Variants in RAP1GAP observed in about 807,000 individuals in gnomAD.
The protein encoded by RAP1GAP is rap1 GTPase-activating protein 1.
RAP1GAP carries 35 observed loss-of-function variants against 87.2 expected under a neutral mutation model. The observed-to-expected ratio is 0.40, with a 90% CI of 0.31 to 0.53. RAP1GAP has a LOEUF of 0.53. Ranked by LOEUF, RAP1GAP falls within the 20% of genes least tolerant of loss-of-function variation. RAP1GAP has a pLI of 0.48. For missense variants in RAP1GAP, 734 were observed against 898.9 expected (o/e 0.82, Z 2.35); for synonymous variants, 375 against 363.9 (o/e 1.03, Z -0.35).
chr1:21,637,145 CTTTTT>C (rs869047762), intron 2 of RAP1GAP, among the ~76,000 whole-genome samples: 1 of 128,510 alleles, frequency 7.8e-6, no homozygotes, highest in African/African-American at 2.8e-5. Flanking sequence ...TCTTTTTTTT[CTTTTT>C]TTTTTTTTTT....
At chr1:21,637,970 AC>A (rs2095038645) in intron 2 of RAP1GAP, among the ~76,000 whole-genome samples, 1 of 97,776 alleles carries the variant, frequency 1.0e-5, no homozygotes, top group African/African-American at 4.2e-5. Flanking sequence ...CCCCATCTCT[AC>A]CAAAAAAAAA....
intron 7 of RAP1GAP, among the ~76,000 whole-genome samples, chr1:21,616,738 T>C (rs1454705715): frequency 6.6e-6 from 1 of 152,220 alleles, no homozygotes; most frequent in Non-Finnish European, 1.5e-5. Flanking sequence ...ATGACATTAC[T>C]GTTCTCCTAA....
chr1:21,631,456 C>T (rs886209884), intron 2 of RAP1GAP, among the ~76,000 whole-genome samples: 2 of 152,168 alleles, frequency 1.3e-5, no homozygotes, highest in Non-Finnish European at 2.9e-5. Flanking sequence ...GAGGCTGAGG[C>T]GGGTGGATCG....
At chr1:21,602,979 C>CAGAGGGGA in intron 18 of RAP1GAP, 66 bp from the exon 19 acceptor site, 17 of 1,205,572 alleles carry the variant, frequency 1.4e-5, no homozygotes, top group Non-Finnish European at 1.9e-5. Context: ...CCCACATCCC[C>CAGAGGGGA]TCTGGGGATC....
At position 21,669,042 on chromosome 1, in the gene RAP1GAP, T is replaced by TC. The variant is rs1434611226; in HGVS notation, c.-149+211dup. On this transcript the variant is annotated intron_variant, in intron 1 of 24. Coordinates refer to ENST00000374765, the MANE Select transcript of RAP1GAP (RefSeq NM_002885.4). The surrounding 1 kb of genome is among the most constrained non-coding windows in gnomAD (Gnocchi z 5.6). Reference sequence around the variant, plus strand: ...GGGTTCAGCCGGCTCAGTCCAGGCCTCCCCCCACTTCTCCAGCTGCTGTCA... The same window carrying TC: ...GGGTTCAGCCGGCTCAGTCCAGGCCTCCCCCCCACTTCTCCAGCTGCTGTCA... Among the ~76,000 whole-genome samples, 1 of 151,230 alleles carries TC rather than the reference T, an allele frequency of 6.6e-6. No homozygotes were observed. The highest frequency in any genetic ancestry group is 1.5e-5 in the Non-Finnish European group (1 of 67,722).
chr1:21,638,470 AAAGAG>A (rs1345037058), intron 2 of RAP1GAP, among the ~76,000 whole-genome samples: 1 of 151,570 alleles, frequency 6.6e-6, no homozygotes, highest in African/African-American at 2.4e-5. Context: ...AAAAAAAAAA[AAAGAG>A]AGAGAGAAAA....
chr1:21,620,085 A>G, intron 3 of RAP1GAP, 35 bp from the exon 4 acceptor site: 1 of 1,606,516 alleles, frequency 6.2e-7, no homozygotes, highest in Non-Finnish European at 8.5e-7. Flanking sequence ...AGGTCAGCTG[A>G]TCCCGCCAAG....
chr1:21,612,720 A>C (rs1182435249), intron 10 of RAP1GAP, among the ~76,000 whole-genome samples: 1 of 152,152 alleles, frequency 6.6e-6, no homozygotes, highest in Admixed American at 6.5e-5. Context: ...TCCAAGGCAG[A>C]AGCCCGTGCC....
At chr1:21,637,921 A>C (rs2095028299) in intron 2 of RAP1GAP, among the ~76,000 whole-genome samples, 1 of 136,596 alleles carries the variant, frequency 7.3e-6, no homozygotes, top group African/African-American at 2.7e-5. Flanking sequence ...GATCTCTTGG[A>C]GCCAGGAGTT....
chr1:21,630,623 G>T (rs2093545854), intron 2 of RAP1GAP, among the ~76,000 whole-genome samples: 5 of 152,206 alleles, frequency 3.3e-5, no homozygotes, highest in Non-Finnish European at 1.5e-5. Context: ...CATGATCATG[G>T]CTCACTGCAG....
rs761240448 is a variant in RAP1GAP at position 21,619,057 on chromosome 1, C to T, written c.34G>A (p.Glu12Lys). 1.9e-6 allele frequency: 3 copies of T among 1,601,730 alleles called. No homozygotes were observed. In the Admixed American group the frequency reaches 5.1e-5, roughly 27 times the overall value. The change falls in exon 5 of 25, where the codon GAA becomes AAA. Residue 12 changes from glutamate to lysine, a missense_variant. Glu to Lys is a moderately conservative substitution (Grantham distance 56). Around this residue, in one of 2 missense-constraint regions of RAP1GAP, gnomAD observed 485 missense variants for 646.2 expected, o/e 0.75. Coordinates refer to ENST00000374765, the MANE Select transcript of RAP1GAP (RefSeq NM_002885.4). ...IEKMQGSRMD[E>K]QRCSFPPPLK... ...GGCGGCGGGAAGGAGCAGCGTTGTT[C>T]ATCCATCCTGCTTCCCTGTAAGAGA...
At chr1:21,647,456 C>T (rs2096172655) in intron 2 of RAP1GAP, among the ~76,000 whole-genome samples, 1 of 152,050 alleles carries the variant, frequency 6.6e-6, no homozygotes, top group African/African-American at 2.4e-5. Flanking sequence ...AGAGTGAGAC[C>T]CTGTCTCCAA....
At chr1:21,620,852 ACTCT>A (rs35090439) in intron 3 of RAP1GAP, among the ~76,000 whole-genome samples, 69,943 of 149,722 alleles carry the variant, frequency 0.47, 16,607 homozygotes, top group East Asian at 0.6. Flanking sequence ...AAGCACGCAC[ACTCT>A]CTCTCTCTCT....
chr1:21,629,641 G>T (rs1052153569), intron 2 of RAP1GAP, among the ~76,000 whole-genome samples: 1 of 152,222 alleles, frequency 6.6e-6, no homozygotes, highest in Non-Finnish European at 1.5e-5. Flanking sequence ...GGAGGCTCTG[G>T]GCACTGCCTG....
At chr1:21,658,708 C>T (rs1283011636) in intron 1 of RAP1GAP, among the ~76,000 whole-genome samples, 1 of 152,094 alleles carries the variant, frequency 6.6e-6, no homozygotes, top group South Asian at 2.1e-4. Context: ...AAGCAAGACT[C>T]CATCTCTATT....
chr1:21,650,793 G>C (rs1348194527), intron 1 of RAP1GAP, among the ~76,000 whole-genome samples: 1 of 152,158 alleles, frequency 6.6e-6, no homozygotes, highest in Non-Finnish European at 1.5e-5. Context: ...CAGCTAGCAA[G>C]ACCCCATATG....
chr1:21,666,190 G>A (rs560175842), intron 1 of RAP1GAP, among the ~76,000 whole-genome samples: 4 of 152,290 alleles, frequency 2.6e-5, no homozygotes, highest in African/African-American at 9.6e-5. Context: ...TCTCCACAGC[G>A]CCAGTCTCTC....
At position 21,608,814 on chromosome 1, in the gene RAP1GAP, G is replaced by A. The variant is rs1427532159; in HGVS notation, c.1158+36C>T. The A allele has an allele frequency of 2.5e-6, 4 of 1,576,068 alleles. No individual in the cohort carries two copies. In the Admixed American group the frequency reaches 5.0e-5, roughly 20 times the overall value. ...GCTGAAGTTATAGGTTGGAAGGTGAGAAGAGGGTCACCCAGCCCTCACAGC... is the reference window on the plus strand; with the variant it reads ...GCTGAAGTTATAGGTTGGAAGGTGAAAAGAGGGTCACCCAGCCCTCACAGC... On this transcript the variant is annotated intron_variant, in intron 16 of 24. Transcript: ENST00000374765.
intron 1 of RAP1GAP, among the ~76,000 whole-genome samples, chr1:21,661,354 A>G (rs751809427): frequency 7.2e-5 from 11 of 152,082 alleles, no homozygotes; most frequent in Non-Finnish European, 2.9e-5. Flanking sequence ...TCTGACCCTC[A>G]ACCCTGATCA....
Sources: allele counts gnomAD v4.1 joint callset (sites outside exome capture counted in the v4.1 genomes callset), GRCh38; gene constraint gnomAD v4.1.1; regional missense constraint gnomAD v4.1.1; non-coding constraint Gnocchi (gnomAD v3.1); transcripts MANE v1.5; gene names NCBI Gene and HGNC (gene_info 2026-07-23, HGNC 2026-07-21).